NPIPB2: variants seen among roughly 807,000 people sequenced by gnomAD.
NPIPB2 encodes the protein nuclear pore complex-interacting protein family member B2.
NPIPB2 carries 27 observed loss-of-function variants against 30.8 expected under a neutral mutation model. That is an observed-to-expected ratio of 0.88 (90% CI 0.65 to 1.21). The LOEUF is 1.21. Among genes scored for constraint, NPIPB2 ranks in the 50% most tolerant of loss-of-function variants. NPIPB2 has a pLI of 0.00. For synonymous variants in NPIPB2, 147 were observed against 162.0 expected (o/e 0.91, Z 0.70); for missense variants, 440 against 446.2 (o/e 0.99, Z 0.13).
intron 1 of NPIPB2, among the ~76,000 whole-genome samples, chr16:11,941,490 T>A (rs1030429684): frequency 2.7e-5 from 4 of 150,092 alleles, no homozygotes; most frequent in Admixed American, 2.0e-4. Context: ...AGGATCCGGT[T>A]CAAATTAAGT....
At chr16:11,934,539 T>C (rs1323168812) in intron 2 of NPIPB2, among the ~76,000 whole-genome samples, 10 of 115,140 alleles carry the variant, frequency 8.7e-5, no homozygotes, top group African/African-American at 3.5e-4. Context: ...GGCAACAAAA[T>C]TGAAACTCTG....
At chr16:11,948,955 T>A (rs536105662) in intron 1 of NPIPB2, among the ~76,000 whole-genome samples, 1 of 151,206 alleles carries the variant, frequency 6.6e-6, no homozygotes, top group South Asian at 2.1e-4. Flanking sequence ...CTGGGCAACA[T>A]AGCAAGACAC....
intron 1 of NPIPB2, among the ~76,000 whole-genome samples, chr16:11,970,538 T>C (rs955261281): frequency 9.9e-5 from 15 of 151,980 alleles, no homozygotes; most frequent in Admixed American, 6.6e-4. Context: ...TCAGCATTTT[T>C]TTTTTCTTTC....
At chr16:11,976,544 C>T in intron 1 of NPIPB2, 1 of 355,982 alleles carries the variant, frequency 2.8e-6, no homozygotes. Flanking sequence ...ACAGCGACGC[C>T]TCCTCGCGGG....
chr16:11,947,907 G>T (rs1249359567), intron 1 of NPIPB2, among the ~76,000 whole-genome samples: 4 of 150,452 alleles, frequency 2.7e-5, no homozygotes, highest in Non-Finnish European at 2.9e-5. Context: ...TGTGGGTAGG[G>T]ACCATTACCT....
intron 1 of NPIPB2, among the ~76,000 whole-genome samples, chr16:11,974,332 GTGAAAGCCGATCTCTAC>G (rs1362973655): frequency 6.6e-6 from 1 of 151,954 alleles, no homozygotes; most frequent in Non-Finnish European, 1.5e-5. Context: ...GACCAACATG[GTGAAAGCCGATCTCTAC>G]TAAACACACA....
In NPIPB2 at chr16:11,967,577, T is replaced by C. The variant is rs766663398; in HGVS notation, c.-584+8991A>G. 1.9e-6 allele frequency: 3 copies of C among 1,611,762 alleles called. No homozygotes were observed. In the South Asian group the frequency reaches 3.3e-5, roughly 18 times the overall value. ...CCGTTTCTACATAATTAGGATCAGGTCTCCTGGGCATGGCTAACATTGACC... is the reference window on the plus strand; with the variant it reads ...CCGTTTCTACATAATTAGGATCAGGCCTCCTGGGCATGGCTAACATTGACC... On this transcript the variant is annotated intron_variant, in intron 1 of 5. Coordinates refer to the NPIPB2 transcript ENST00000538896.
intron 1 of NPIPB2, among the ~76,000 whole-genome samples, chr16:11,951,362 G>A (rs1596500568): frequency 6.7e-6 from 1 of 148,386 alleles, no homozygotes; most frequent in East Asian, 2.0e-4. Flanking sequence ...TACTCGGGAG[G>A]CTGAGGCAGG....
intron 1 of NPIPB2, among the ~76,000 whole-genome samples, chr16:11,976,270 G>A (rs1356218793): frequency 2.6e-5 from 4 of 152,218 alleles, no homozygotes; most frequent in Admixed American, 6.5e-5. Flanking sequence ...ACCCCTCCAG[G>A]CAGGGGCCTT....
At chr16:11,931,443 CA>C (rs2054789330) in intron 4 of NPIPB2, among the ~76,000 whole-genome samples, 1 of 148,310 alleles carries the variant, frequency 6.7e-6, no homozygotes, top group Non-Finnish European at 1.5e-5. Context: ...CGCTAGGAAA[CA>C]GGGGCGAAAA....
chr16:11,942,552 G>T (rs1386504233), upstream of NPIPB2, among the ~76,000 whole-genome samples: 5 of 152,044 alleles, frequency 3.3e-5, no homozygotes, highest in Admixed American at 6.6e-5. Flanking sequence ...CGTGTGTGTG[G>T]ACTTTAAATT....
chr16:11,944,627 G>A (rs2054983481), upstream of NPIPB2, among the ~76,000 whole-genome samples: 1 of 149,394 alleles, frequency 6.7e-6, no homozygotes. Context: ...GCTGGGCGTG[G>A]TGGTGCGCAC....
intron 1 of NPIPB2, among the ~76,000 whole-genome samples, chr16:11,959,985 A>G (rs756363693): frequency 1.1e-4 from 16 of 152,192 alleles, no homozygotes; most frequent in Non-Finnish European, 1.8e-4. Context: ...TGTGTTGCCC[A>G]GGCTGTCTCG....
At chr16:11,934,795 G>A (rs571229353) in intron 2 of NPIPB2, among the ~76,000 whole-genome samples, 1 of 139,032 alleles carries the variant, frequency 7.2e-6, no homozygotes, top group East Asian at 2.1e-4. Flanking sequence ...GGAGGCAGAG[G>A]TTGCAGTGAG....
At chr16:11,945,108 AC>A (rs1333441772), upstream of NPIPB2, among the ~76,000 whole-genome samples, 17 of 151,932 alleles carry the variant, frequency 1.1e-4, no homozygotes, top group African/African-American at 4.1e-4. Context: ...AATCGCTTGA[AC>A]CCGGGAGGCA....
chr16:11,935,915 T>C (rs376575457), intron 2 of NPIPB2, among the ~76,000 whole-genome samples: 1 of 89,264 alleles, frequency 1.1e-5, no homozygotes, highest in East Asian at 2.9e-4. Context: ...TATAGATGAC[T>C]AGATGACAAG....
chr16:11,950,233 G>C (rs141024501), intron 1 of NPIPB2, among the ~76,000 whole-genome samples: 13 of 152,088 alleles, frequency 8.5e-5, no homozygotes, highest in Non-Finnish European at 1.6e-4. Flanking sequence ...ATGGGGTTTC[G>C]TCCTGTTGGC....
At chr16:11,946,748 G>C (rs925582357), upstream of NPIPB2, among the ~76,000 whole-genome samples, 5 of 152,114 alleles carry the variant, frequency 3.3e-5, no homozygotes, top group African/African-American at 1.2e-4. Flanking sequence ...TAATAAAAAT[G>C]TAAAGATAAA....
intron 1 of NPIPB2, among the ~76,000 whole-genome samples, chr16:11,960,456 A>T (rs1296412532): frequency 1.3e-5 from 2 of 149,642 alleles, no homozygotes; most frequent in African/African-American, 4.9e-5. Context: ...TCCCAGGTTC[A>T]AGCAATTGCC....
Sources: allele counts gnomAD v4.1 joint callset (sites outside exome capture counted in the v4.1 genomes callset), GRCh38; gene constraint gnomAD v4.1.1; transcripts MANE v1.5; gene names NCBI Gene and HGNC (gene_info 2026-07-23, HGNC 2026-07-21).